Variants in ATG13 observed in about 807,000 individuals in gnomAD.
ATG13 encodes autophagy-related protein 13.
Under a neutral mutation model 65.5 loss-of-function variants are expected in ATG13, and 23 were observed. The observed-to-expected ratio is 0.35, with a 90% CI of 0.25 to 0.50. The LOEUF (loss-of-function observed/expected upper bound fraction) is 0.50. Among genes scored for constraint, ATG13 ranks in the 20% least tolerant of loss-of-function variants. The pLI, the probability that ATG13 is intolerant of heterozygous loss-of-function variation, is 0.98. For missense variants in ATG13, 566 were observed against 677.0 expected (o/e 0.84, Z 1.82); for synonymous variants, 252 against 245.2 (o/e 1.03, Z -0.26).
At chr11:46,638,807 TTTTG>T (rs1044115571) in intron 2 of ATG13, among the ~76,000 whole-genome samples, 13 of 151,996 alleles carry the variant, frequency 8.6e-5, no homozygotes, top group South Asian at 2.1e-4. Flanking sequence ...ATTCCTCTTT[TTTTG>T]TTTGTTTGTT....
At chr11:46,663,368 A>G (rs1315450393) in intron 11 of ATG13, among the ~76,000 whole-genome samples, 2 of 152,048 alleles carry the variant, frequency 1.3e-5, no homozygotes, top group East Asian at 1.9e-4. Context: ...AGAGTTTTCA[A>G]CATGCCCCCA....
rs1477174624 is a variant in ATG13 at position 46,657,087 on chromosome 11, TCTC to T, written c.500-5_500-3del. The T allele has an allele frequency of 1.9e-6, 3 of 1,609,596 alleles. No individual in the cohort carries two copies. The highest frequency in any genetic ancestry group is 4.5e-5 in the East Asian group (2 of 44,868). On this transcript the variant is annotated splice_polypyrimidine_tract_variant and splice_region_variant and intron_variant, in intron 8 of 18. Transcript: ENST00000683050. ...CAAAAGAAGCTAATAATGTATCTCT[TCTC>T]CTAGGCTTCCAGACAGTTCGTGTTG...
intron 5 of ATG13, among the ~76,000 whole-genome samples, chr11:46,648,250 C>A (rs895097929): frequency 6.6e-6 from 1 of 152,054 alleles, no homozygotes; most frequent in Non-Finnish European, 1.5e-5. Context: ...CACCCGCTAC[C>A]ACGCCCAGCT....
chr11:46,640,435 T>C (rs2055590873), intron 2 of ATG13, among the ~76,000 whole-genome samples: 1 of 152,204 alleles, frequency 6.6e-6, no homozygotes, highest in Non-Finnish European at 1.5e-5. Flanking sequence ...AGTACTTGTA[T>C]CCAGAATATA....
In ATG13 at chr11:46,672,562, G is replaced by T; in HGVS notation, c.*230G>T. On this transcript the variant is annotated 3_prime_UTR_variant, in exon 19 of 19. Transcript: ENST00000683050. Reference sequence around the variant, plus strand: ...AGACTCACGTGCTGGCCTTGGAGATGGGAAGAACCTTCGTACGAAAAAGCC... The same window carrying T: ...AGACTCACGTGCTGGCCTTGGAGATTGGAAGAACCTTCGTACGAAAAAGCC... 7.0e-7 allele frequency: 1 copy of T among 1,438,624 alleles called. No individual in the cohort carries two copies. The highest frequency in any genetic ancestry group is 2.7e-5 in the East Asian group (1 of 36,632). 89.1% of individuals were successfully genotyped at this position (1,438,624 alleles called of 1,614,324 possible).
chr11:46,663,505 C>T (rs986154904), intron 11 of ATG13, among the ~76,000 whole-genome samples: 6 of 152,108 alleles, frequency 3.9e-5, no homozygotes, highest in Non-Finnish European at 5.9e-5. Context: ...CTTCAAGTTC[C>T]AGCCACCCCT....
Position 46,646,006 on chromosome 11 carries a change from G to T in ATG13, c.270+17G>T, listed in dbSNP as rs781555505. 3 of 1,613,802 alleles carry T rather than the reference G, an allele frequency of 1.9e-6. No individual in the cohort carries two copies. Among genetic ancestry groups the T allele is most frequent in the African/African-American group, 2.7e-5 (2 of 74,900 alleles). ...ACTTCTGAGGTAAGGCTATGGCCAGGTTGGTGTCTTCATTTAGCACTGAAG... is the reference window on the plus strand; with the variant it reads ...ACTTCTGAGGTAAGGCTATGGCCAGTTTGGTGTCTTCATTTAGCACTGAAG... On this transcript the variant is annotated intron_variant, in intron 5 of 18. Transcript: ENST00000683050.
At chr11:46,623,752 A>G (rs2048515137) in intron 1 of ATG13, among the ~76,000 whole-genome samples, 2 of 151,884 alleles carry the variant, frequency 1.3e-5, no homozygotes, top group South Asian at 2.1e-4. Context: ...TTATTTGTTA[A>G]TTTGATTTTT....
intron 2 of ATG13, among the ~76,000 whole-genome samples, chr11:46,634,038 C>T (rs1246941795): frequency 6.6e-6 from 1 of 152,092 alleles, no homozygotes; most frequent in Non-Finnish European, 1.5e-5. Context: ...GTCAGCAGGC[C>T]TCTGATCGCC....
intron 10 of ATG13, among the ~76,000 whole-genome samples, chr11:46,658,812 A>G (rs557760923): frequency 5.6e-4 from 86 of 152,280 alleles, no homozygotes; most frequent in African/African-American, 1.9e-3. Flanking sequence ...CTGGAATTAC[A>G]GGTGTGAGTG....
chr11:46,664,142 T>C (rs756201094), intron 12 of ATG13, 47 bp downstream of exon 12: 64 of 1,345,672 alleles, frequency 4.8e-5, no homozygotes, highest in Admixed American at 8.3e-5. Flanking sequence ...TGGCATCCTT[T>C]TATTTAAAAA....
intron 3 of ATG13, 63 bp downstream of exon 3, chr11:46,644,423 G>A: frequency 7.2e-7 from 1 of 1,381,752 alleles, no homozygotes; most frequent in African/African-American, 1.5e-5. Context: ...TCTCCCTTTT[G>A]CGAACAACTC....
chr11:46,648,049 A>G (rs185986392), intron 5 of ATG13, among the ~76,000 whole-genome samples: 1 of 152,290 alleles, frequency 6.6e-6, no homozygotes, highest in Admixed American at 6.5e-5. Context: ...TTGGAGCTAC[A>G]CAGAGCCAAG....
intron 3 of ATG13, among the ~76,000 whole-genome samples, 155 bp downstream of exon 3, chr11:46,644,515 T>C (rs1400354891): frequency 6.6e-6 from 1 of 151,832 alleles, no homozygotes; most frequent in East Asian, 1.9e-4. Flanking sequence ...CTGTGAGGTA[T>C]GGGGGCGGTA....
rs975224240 is a variant in ATG13, at chr11:46,649,675, A to G, written c.317+492A>G. ...CTTGCCTGAAGCTTCAGTTTTCAAC[A>G]AGAGTATATAGGAAAATTGAGGAAA... On this transcript the variant is annotated intron_variant, in intron 6 of 18. Coordinates refer to ENST00000683050, the MANE Select transcript of ATG13 (RefSeq NM_001346311.2). Among the ~76,000 whole-genome samples the G allele has an allele frequency of 3.3e-5, 5 of 152,218 alleles. No individual in the cohort carries two copies. In the East Asian group the frequency reaches 9.6e-4, roughly 29 times the overall value.
chr11:46,652,751 T>C (rs1417248345), intron 7 of ATG13, among the ~76,000 whole-genome samples: 1 of 152,150 alleles, frequency 6.6e-6, no homozygotes. Flanking sequence ...TTAGCAAATT[T>C]TAAGCACTGT....
chr11:46,650,641 C>T (rs1476078725), intron 7 of ATG13, among the ~76,000 whole-genome samples: 1 of 152,192 alleles, frequency 6.6e-6, no homozygotes, highest in Non-Finnish European at 1.5e-5. Flanking sequence ...AGTCTCGCTC[C>T]ATCGCCCAGG....
intron 2 of ATG13, among the ~76,000 whole-genome samples, chr11:46,641,867 A>AG (rs1442620350): frequency 6.6e-6 from 1 of 151,022 alleles, no homozygotes; most frequent in Non-Finnish European, 1.5e-5. Flanking sequence ...CTTGACCTCC[A>AG]GGGCTCAGGC....
At chr11:46,655,705 A>C (rs1460031416) in intron 7 of ATG13, among the ~76,000 whole-genome samples, 1 of 152,216 alleles carries the variant, frequency 6.6e-6, no homozygotes, top group African/African-American at 2.4e-5. Context: ...AGAGAGAAGA[A>C]ACTTAAATAG....
Sources: gnomAD v4.1 joint callset for allele counts (sites outside exome capture counted in the v4.1 genomes callset) on GRCh38, gnomAD v4.1.1 for gene constraint, MANE v1.5 for transcripts, NCBI Gene and HGNC (gene_info 2026-07-23, HGNC 2026-07-21) for gene names.